Variants in PDE1A observed in about 807,000 individuals in gnomAD.
PDE1A encodes the protein dual specificity calcium/calmodulin-dependent 3',5'-cyclic nucleotide phosphodiesterase 1A.
Under a neutral mutation model 61.7 loss-of-function variants are expected in PDE1A, and 35 were observed. That is an observed-to-expected ratio of 0.57 (90% CI 0.43 to 0.75). The LOEUF (loss-of-function observed/expected upper bound fraction) is 0.75, where lower values mean the gene tolerates loss of function less well. Ranked by LOEUF, PDE1A falls within the 30% of genes least tolerant of loss-of-function variation. The pLI, the probability that PDE1A is intolerant of heterozygous loss-of-function variation, is 0.00. For missense variants in PDE1A, 597 were observed against 630.6 expected (o/e 0.95, Z 0.57); for synonymous variants, 232 against 213.2 (o/e 1.09, Z -0.77).
the PDE1A span, among the ~76,000 whole-genome samples, chr2:182,653,255 A>C: frequency 6.6e-6 from 1 of 152,164 alleles, no homozygotes; most frequent in African/African-American, 2.4e-5. Flanking sequence ...GGACCTCAGG[A>C]TGATAGGGAG....
the PDE1A span, among the ~76,000 whole-genome samples, chr2:182,681,109 G>A: frequency 6.6e-6 from 1 of 151,280 alleles, no homozygotes. Context: ...CTTCAATCTG[G>A]TCTGGAGTCA....
chr2:182,221,740 C>T (rs1183006456), intron 7 of PDE1A, among the ~76,000 whole-genome samples: 1 of 151,962 alleles, frequency 6.6e-6, no homozygotes, highest in Non-Finnish European at 1.5e-5. Flanking sequence ...TATCATGTGT[C>T]CATCTCTGGC....
intron 1 of PDE1A, among the ~76,000 whole-genome samples, chr2:182,419,543 C>T (rs973679034): frequency 2.0e-5 from 3 of 152,170 alleles, no homozygotes; most frequent in Non-Finnish European, 2.9e-5. Context: ...GAAACAAGAA[C>T]CAAGTACTCA....
intron 1 of PDE1A, among the ~76,000 whole-genome samples, chr2:182,295,057 CTTTTT>C (rs11420821): frequency 6.7e-5 from 4 of 59,348 alleles, no homozygotes; most frequent in Admixed American, 3.1e-4. Context: ...AAAAGGTAAT[CTTTTT>C]TTTTTTTTTT....
At chr2:182,174,219 A>G (rs114398009) in intron 13 of PDE1A, among the ~76,000 whole-genome samples, 3,933 of 152,148 alleles carry the variant, frequency 0.026, 181 homozygotes, top group African/African-American at 0.089. Context: ...ATTTGAAAAT[A>G]TTCACTGAAA....
chr2:182,213,699 G>C (rs1243214841), intron 7 of PDE1A, among the ~76,000 whole-genome samples: 1 of 70,772 alleles, frequency 1.4e-5, no homozygotes, highest in Non-Finnish European at 2.9e-5. Context: ...GAAATGAAGC[G>C]AGAAGGGAAG....
chr2:182,155,058 T>TA (rs138172697), intron 13 of PDE1A, among the ~76,000 whole-genome samples: 3 of 145,564 alleles, frequency 2.1e-5, no homozygotes, highest in African/African-American at 5.1e-5. Flanking sequence ...AACATGAATA[T>TA]AAAAAAATGT....
intron 1 of PDE1A, among the ~76,000 whole-genome samples, chr2:182,386,238 C>G (rs1027118434): frequency 6.6e-6 from 1 of 152,074 alleles, no homozygotes; most frequent in Admixed American, 6.5e-5. Context: ...CCCAAAGTGC[C>G]GAGATTACAG....
At chr2:182,611,721 A>G in the PDE1A span, among the ~76,000 whole-genome samples, 1 of 152,206 alleles carries the variant, frequency 6.6e-6, no homozygotes, top group Non-Finnish European at 1.5e-5. Flanking sequence ...ATTGCCAGGA[A>G]ATATATATTA....
downstream of PDE1A, among the ~76,000 whole-genome samples, chr2:182,164,701 G>C (rs935285767): frequency 6.6e-6 from 1 of 152,172 alleles, no homozygotes; most frequent in Middle Eastern, 3.4e-3. Flanking sequence ...CCTCGCCATA[G>C]ACTGAGCACT....
At chr2:182,486,895 T>C (rs4666841) in intron 2 of PDE1A, among the ~76,000 whole-genome samples, 26,482 of 152,072 alleles carry the variant, frequency 0.17, 2,599 homozygotes, top group Middle Eastern at 0.31. Context: ...ACTAAAAGCA[T>C]AATCCATAAG....
At chr2:182,306,270 T>C (rs886938498) in intron 1 of PDE1A, among the ~76,000 whole-genome samples, 1 of 152,160 alleles carries the variant, frequency 6.6e-6, no homozygotes. Context: ...TTGTACAGCA[T>C]TGTAAGTCAT....
rs182242215 is a variant in PDE1A, at chr2:182,258,469, T to G, written c.167+5832A>C. On this transcript the variant is annotated intron_variant, in intron 2 of 13. Coordinates refer to ENST00000351439, the Ensembl canonical transcript of PDE1A. ...CTGACCATTCTCAAGAACTTTAGGA[T>G]GGAGAACATATTCAAACAGTAAAGG... Among the ~76,000 whole-genome samples the G allele has an allele frequency of 2.6e-5, 4 of 152,316 alleles. No individual in the cohort carries two copies. In the East Asian group the frequency reaches 7.7e-4, roughly 29 times the overall value.
intron 1 of PDE1A, among the ~76,000 whole-genome samples, chr2:182,421,205 T>C (rs1703258187): frequency 6.6e-6 from 1 of 152,216 alleles, no homozygotes; most frequent in Non-Finnish European, 1.5e-5. Context: ...TTTACCTGCA[T>C]AATCTTAATT....
At chr2:182,711,719 A>G in the PDE1A span, among the ~76,000 whole-genome samples, 1 of 152,202 alleles carries the variant, frequency 6.6e-6, no homozygotes, top group Admixed American at 6.5e-5. Context: ...ATACCCAAAG[A>G]ATGGTGGGAT....
intron 7 of PDE1A, among the ~76,000 whole-genome samples, chr2:182,221,845 A>G (rs904698213): frequency 2.0e-5 from 3 of 152,030 alleles, no homozygotes; most frequent in Non-Finnish European, 4.4e-5. Flanking sequence ...CCAAGTGCAT[A>G]TAGACAGGTC....
chr2:182,541,284 G>A, the PDE1A span, among the ~76,000 whole-genome samples: 1 of 152,168 alleles, frequency 6.6e-6, no homozygotes, highest in Non-Finnish European at 1.5e-5. Context: ...CTGGGTTCAG[G>A]TTCTGGCCCT....
At chr2:182,331,624 T>C (rs1697415475) in intron 1 of PDE1A, among the ~76,000 whole-genome samples, 1 of 152,232 alleles carries the variant, frequency 6.6e-6, no homozygotes, top group Non-Finnish European at 1.5e-5. Context: ...TTTGGCTGGA[T>C]ATGAAATTCT....
intron 2 of PDE1A, among the ~76,000 whole-genome samples, chr2:182,485,367 G>A (rs556079910): frequency 6.6e-6 from 1 of 152,076 alleles, no homozygotes; most frequent in Admixed American, 6.6e-5. Context: ...TCTACCTGAG[G>A]GCAATGGGTG....
Sources: allele counts gnomAD v4.1 joint callset (sites outside exome capture counted in the v4.1 genomes callset), GRCh38; gene constraint gnomAD v4.1.1; transcripts MANE v1.5; gene names NCBI Gene and HGNC (gene_info 2026-07-23, HGNC 2026-07-21).